Variants in COL27A1 observed in about 807,000 individuals in gnomAD.
COL27A1 encodes the protein collagen type XXVII alpha 1 chain.
COL27A1 carries 106 observed loss-of-function variants against 251.3 expected under a neutral mutation model. That is an observed-to-expected ratio of 0.42 (90% confidence interval 0.36 to 0.50). COL27A1 has a LOEUF of 0.50. COL27A1 is among the 20% of genes least tolerant of loss of function. The probability of loss-of-function intolerance (pLI) is 0.00; values close to 1 mark genes in which losing one functional copy is unlikely to be tolerated. For missense variants in COL27A1, 2,325 were observed against 2,522.8 expected, an observed-to-expected ratio of 0.92 and a Z score of 1.68; for synonymous variants, 1,000 against 986.3, an observed-to-expected ratio of 1.01 and a Z score of -0.26.
intron 3 of COL27A1, among the ~76,000 whole-genome samples, chr9:114,172,060 G>A (rs1452907042): frequency 1.3e-5 from 2 of 152,174 alleles, no homozygotes; most frequent in Non-Finnish European, 2.9e-5. Context: ...ACACCAACCT[G>A]CCCGGGTGAC....
At chr9:114,267,364 A>C (rs1187223538) in intron 33 of COL27A1, 140 bp from the exon 34 acceptor site, 2 of 638,368 alleles carry the variant, frequency 3.1e-6, no homozygotes, top group East Asian at 6.7e-5. Flanking sequence ...CCAAGAAGCT[A>C]CAAGCTGCTC....
chr9:114,204,068 G>A (rs900652769), intron 7 of COL27A1, among the ~76,000 whole-genome samples: 5 of 152,130 alleles, frequency 3.3e-5, no homozygotes, highest in African/African-American at 4.8e-5. Context: ...GCATGTGCGC[G>A]TGTGTGTATT....
Position 114,162,628 on chromosome 9 carries a change from T to A in COL27A1, c.63-87T>A, listed in dbSNP as rs936701166. 4.2e-6 allele frequency: 4 copies of A among 954,776 alleles called. No individual in the cohort carries two copies. The African/African-American group carries it at 6.5e-5, about 15-fold the overall frequency. 59.1% of individuals were successfully genotyped at this position (954,776 alleles called of 1,614,324 possible). A position where few individuals can be genotyped will look rare whatever the true frequency, so the allele number is the denominator to read the frequency against. The stretch of plus-strand genomic sequence containing the variant: ...GGCAGGACTGGGGTGAGACTGGGAC[T>A]GGTTTCCACTCCCAGCTTCCCCAGC... On this transcript the variant is annotated intron_variant, in intron 1 of 60. Transcript: ENST00000356083.
At chr9:114,221,364 T>C (rs1184154249) in intron 13 of COL27A1, among the ~76,000 whole-genome samples, 3 of 152,190 alleles carry the variant, frequency 2.0e-5, no homozygotes, top group African/African-American at 7.2e-5. Flanking sequence ...ATTAGCGATA[T>C]GCAGTATCAT....
In COL27A1 at chr9:114,289,262, G is replaced by T. The variant is rs1031071903; in HGVS notation, c.4173G>T (p.Gly1391=). ...TGCAGGGGCATCCGGGACCCCGGGG[G>T]TGGCCGGGACCCAAAGGATCGAAAG... The part of the protein sequence containing the change: ...QGQPGHPGPR[G]WPGPKGSKGA... The change falls in exon 45 of 61, where the codon GGG becomes GGT. Residue 1391 remains glycine, a synonymous_variant. Transcript: ENST00000356083. The T allele has an allele frequency of 1.9e-6, 3 of 1,596,014 alleles. No individual in the cohort carries two copies. The highest frequency in any genetic ancestry group is 2.6e-6 in the Non-Finnish European group (3 of 1,172,790).
At chr9:114,218,960 T>G (rs1830899428) in intron 12 of COL27A1, among the ~76,000 whole-genome samples, 1 of 152,142 alleles carries the variant, frequency 6.6e-6, no homozygotes, top group South Asian at 2.1e-4. Flanking sequence ...TGTTTTTTTT[T>G]TTTTTTAATT....
At chr9:114,205,387 A>C (rs1192885831) in intron 8 of COL27A1, among the ~76,000 whole-genome samples, 1 of 152,264 alleles carries the variant, frequency 6.6e-6, no homozygotes, top group Non-Finnish European at 1.5e-5. Flanking sequence ...GCACAACGCC[A>C]GTTGGAGCCA....
In COL27A1 at chr9:114,247,478, G is replaced by A. The variant is rs566606554; in HGVS notation, c.2979+1568G>A. Among the ~76,000 whole-genome samples, 12 of 152,328 alleles carry A rather than the reference G, an allele frequency of 7.9e-5. 1 individual carries two copies. The East Asian group carries it at 1.5e-3, about 20-fold the overall frequency. On this transcript the variant is annotated intron_variant, in intron 24 of 60. Transcript: ENST00000356083. ...ATTCATAGAGACTGACAGAGACCCC[G>A]GGTTTAGAACCCTCAGATTCTAGTC...
chr9:114,216,707 G>A (rs1032705162), intron 12 of COL27A1, among the ~76,000 whole-genome samples: 3 of 152,006 alleles, frequency 2.0e-5, no homozygotes, highest in Admixed American at 2.0e-4. Flanking sequence ...TCCAACCACT[G>A]TGCTCTTAAT....
rs188383983 is a variant in COL27A1 at position 114,260,487 on chromosome 9, C to T, written c.3195+1893C>T. 3.9e-4 allele frequency among the ~76,000 whole-genome samples: 60 copies of T among 152,280 alleles called. No homozygotes were observed. The South Asian group carries it at 0.011, about 28-fold the overall frequency. ...AAGTCCTGATCAGCTCCCGGTTTGC[C>T]CTGTGCCCTTAGCAAGGCCTTGTGG... On this transcript the variant is annotated intron_variant, in intron 28 of 60. Transcript: ENST00000356083.
Position 114,176,865 on chromosome 9 carries a change from G to A in COL27A1, c.1909-1426G>A, listed in dbSNP as rs1479586925. Reference sequence around the variant, plus strand: ...TTATTCATGGACGAGCAAGCACGTGGTGTTCACAGGCCAGAACTGTGAGCC... The same window carrying A: ...TTATTCATGGACGAGCAAGCACGTGATGTTCACAGGCCAGAACTGTGAGCC... On this transcript the variant is annotated intron_variant, in intron 3 of 60. Coordinates refer to ENST00000356083, the MANE Select transcript of COL27A1 (RefSeq NM_032888.4). Among the ~76,000 whole-genome samples, 3 of 152,194 alleles carry A rather than the reference G, an allele frequency of 2.0e-5. No homozygotes were observed. In the South Asian group the frequency reaches 6.2e-4, roughly 32 times the overall value.
In COL27A1 at chr9:114,304,434, G is replaced by A. The variant is rs548883096; in HGVS notation, c.4873-174G>A. The A allele has an allele frequency of 7.3e-4, 461 of 629,964 alleles. 3 individuals carry two copies. The highest frequency in any genetic ancestry group is 2.6e-3 in the Middle Eastern group (6 of 2,350). 39.0% of individuals were successfully genotyped at this position (629,964 alleles called of 1,614,324 possible). The stretch of plus-strand genomic sequence containing the variant: ...GGGAGCTATTAGTACCTGGGGAAAG[G>A]GAATGGCAGGGTCAGCTTTGACTGT... On this transcript the variant is annotated intron_variant, in intron 56 of 60. Coordinates refer to ENST00000356083, the MANE Select transcript of COL27A1 (RefSeq NM_032888.4).
At chr9:114,208,754 G>A (rs927599663) in intron 10 of COL27A1, among the ~76,000 whole-genome samples, 6 of 152,258 alleles carry the variant, frequency 3.9e-5, no homozygotes, top group African/African-American at 1.4e-4. Flanking sequence ...TGCTACCGAG[G>A]TGCAAAAATG....
In COL27A1 at chr9:114,242,067, C is replaced by G. The variant is rs568995477; in HGVS notation, c.2836-120C>G. The G allele has an allele frequency of 5.7e-5, 48 of 836,826 alleles. 1 individual carries two copies. The highest frequency in any genetic ancestry group is 1.5e-4 in the Admixed American group (4 of 26,648). 51.8% of individuals were successfully genotyped at this position (836,826 alleles called of 1,614,324 possible). ...GGCAGGTGGGCCAGGCGTGCTGTTT[C>G]CCTTTGTCCAGGAGGGCTCTCCTCT... On this transcript the variant is annotated intron_variant, in intron 21 of 60. Transcript: ENST00000356083.
chr9:114,169,776 C>T (rs555955393), intron 3 of COL27A1, among the ~76,000 whole-genome samples: 2 of 152,322 alleles, frequency 1.3e-5, no homozygotes, highest in African/African-American at 4.8e-5. Flanking sequence ...CTGCAAAGCT[C>T]GAACAGCTTA....
intron 3 of COL27A1, among the ~76,000 whole-genome samples, chr9:114,177,085 G>A (rs559983595): frequency 1.1e-4 from 17 of 152,310 alleles, no homozygotes; most frequent in South Asian, 8.3e-4. Context: ...CACATCAGGC[G>A]CTTAGTTAAT....
chr9:114,266,566 G>A lies in COL27A1; in HGVS notation c.3395G>A (p.Gly1132Asp), dbSNP rs761335358. ...TCTGTGTGTCTGTCTGTCTTCCAGG[G>A]CCCTCAGGGACCCCAGGGGCCAATT... is the stretch of plus-strand genomic sequence containing the variant. ...PGTKGLPGEP[G>D]PQGPQGPIGP... Residue 1132 changes from glycine to aspartate, a missense_variant and splice_region_variant, in exon 33 of 61, where the codon GGC becomes GAC. Physicochemically the swap from Gly to Asp is moderately conservative, Grantham distance 94. This residue lies in a region of COL27A1 where 662 missense variants were observed against 795.3 expected (regional missense o/e 0.83). Transcript: ENST00000356083. The A allele has an allele frequency of 6.2e-7, 1 of 1,613,586 alleles. No homozygotes were observed.
chr9:114,236,434 G>C (rs755633845), intron 17 of COL27A1, among the ~76,000 whole-genome samples: 3 of 152,178 alleles, frequency 2.0e-5, no homozygotes, highest in Non-Finnish European at 4.4e-5. Flanking sequence ...TTGACTATGG[G>C]ATCAAACTGA....
intron 37 of COL27A1, among the ~76,000 whole-genome samples, chr9:114,276,872 G>C (rs535286106): frequency 2.2e-4 from 33 of 152,356 alleles, no homozygotes; most frequent in African/African-American, 6.7e-4. Flanking sequence ...AACATGTACA[G>C]ACAAGTTGCC....
Sources: allele counts gnomAD v4.1 joint callset (sites outside exome capture counted in the v4.1 genomes callset), GRCh38; gene constraint gnomAD v4.1.1; regional missense constraint gnomAD v4.1.1; transcripts MANE v1.5; gene names NCBI Gene and HGNC (gene_info 2026-07-23, HGNC 2026-07-21).